Variants in TMIGD3 observed in about 807,000 individuals in gnomAD.
The protein encoded by TMIGD3 is AD026 protein (AD026).
A neutral mutation model predicts 28.1 loss-of-function variants in TMIGD3; 21 were observed. The ratio of observed to expected loss-of-function variants is 0.75; its 90% CI spans 0.53 to 1.08. The LOEUF (loss-of-function observed/expected upper bound fraction) is 1.08, where lower values mean the gene tolerates loss of function less well. TMIGD3 is among the 50% of genes least tolerant of loss of function. The pLI is 0.00. For synonymous variants in TMIGD3, 151 were observed against 162.1 expected (o/e 0.93, Z 0.52); for missense variants, 416 against 435.6 (o/e 0.96, Z 0.40).
At chr1:111,524,487 A>G (rs1656196102) in intron 1 of TMIGD3, among the ~76,000 whole-genome samples, 1 of 152,140 alleles carries the variant, frequency 6.6e-6, no homozygotes. Context: ...ACTTTCTGGA[A>G]CACTTGGTAA....
In TMIGD3 at chr1:111,512,393, T is replaced by C. The variant is rs75414029; in HGVS notation, c.108-21631A>G. 5.2e-3 allele frequency among the ~76,000 whole-genome samples: 798 copies of C among 152,372 alleles called. 5 individuals are homozygous for C. Among genetic ancestry groups the C allele is most frequent in the African/African-American group, 0.018 (744 of 41,592 alleles). On this transcript the variant is annotated intron_variant, in intron 1 of 5. Transcript: ENST00000369717. ...ACCCCAACGTGCTCCAGAGGAGAAA[T>C]CACTGTCAGGCTCCAGCCATGTGTT...
Position 111,556,879 on chromosome 1 carries a change from A to T in TMIGD3, c.107+6967T>A, listed in dbSNP as rs183058254. ...GTCACTGAACTGTACACTTAGAAATAGTTAAAATGGTACATTTTACATTAT... is the reference window on the plus strand; with the variant it reads ...GTCACTGAACTGTACACTTAGAAATTGTTAAAATGGTACATTTTACATTAT... On this transcript the variant is annotated intron_variant, in intron 1 of 5. Coordinates refer to the TMIGD3 transcript ENST00000369717. Among the ~76,000 whole-genome samples the T allele has an allele frequency of 8.6e-5, 13 of 150,638 alleles. No individual in the cohort carries two copies. In the East Asian group the frequency reaches 2.3e-3, roughly 27 times the overall value.
chr1:111,531,342 T>G (rs1656454014), intron 1 of TMIGD3, among the ~76,000 whole-genome samples: 2 of 152,222 alleles, frequency 1.3e-5, no homozygotes, highest in Admixed American at 1.3e-4. Context: ...TGGTATCATT[T>G]GTATTGCTAT....
chr1:111,517,116 T>TAC (rs144813891), intron 1 of TMIGD3, among the ~76,000 whole-genome samples: 3 of 152,136 alleles, frequency 2.0e-5, no homozygotes, highest in African/African-American at 4.8e-5. Context: ...TGCGCATGTG[T>TAC]ACACACACAC....
At chr1:111,562,686 G>A (rs1050032461) in intron 1 of TMIGD3, among the ~76,000 whole-genome samples, 3 of 152,300 alleles carry the variant, frequency 2.0e-5, no homozygotes. Context: ...GTAATCCATT[G>A]TGAATCCAAG....
chr1:111,537,930 C>T (rs1656693968), intron 1 of TMIGD3, among the ~76,000 whole-genome samples: 1 of 152,106 alleles, frequency 6.6e-6, no homozygotes. Context: ...GGGCATTTTC[C>T]TCCCTGTACC....
chr1:111,540,598 C>T (rs1246040956), intron 1 of TMIGD3, among the ~76,000 whole-genome samples: 1 of 152,222 alleles, frequency 6.6e-6, no homozygotes. Context: ...TCTCCATTTA[C>T]ATGCATCTTC....
At chr1:111,489,506 GC>G in intron 2 of TMIGD3, 1 of 919,036 alleles carries the variant, frequency 1.1e-6, no homozygotes, top group Non-Finnish European at 1.3e-6. Flanking sequence ...CATTGTTTTA[GC>G]CTCCCAGACT....
chr1:111,487,329 G>C (rs1654428642), intron 3 of TMIGD3, among the ~76,000 whole-genome samples: 1 of 152,208 alleles, frequency 6.6e-6, no homozygotes, highest in Admixed American at 6.5e-5. Flanking sequence ...GATGCTTGCT[G>C]AATCAATCAC....
At chr1:111,540,466 C>G (rs538211179) in intron 1 of TMIGD3, among the ~76,000 whole-genome samples, 50 of 152,338 alleles carry the variant, frequency 3.3e-4, no homozygotes, top group Non-Finnish European at 5.0e-4. Flanking sequence ...ACAAAGTGTG[C>G]CAGCTTCTCC....
intron 1 of TMIGD3, among the ~76,000 whole-genome samples, chr1:111,527,985 GA>G (rs1656328381): frequency 1.3e-5 from 2 of 151,704 alleles, no homozygotes; most frequent in Admixed American, 6.6e-5. Flanking sequence ...TTGTTTTTTT[GA>G]AAAGTAGTTT....
intron 1 of TMIGD3, among the ~76,000 whole-genome samples, chr1:111,502,168 TA>T (rs1472530385): frequency 4.4e-5 from 3 of 67,768 alleles, no homozygotes; most frequent in African/African-American, 6.4e-5. Flanking sequence ...ATATATTTAT[TA>T]TAATAAATAT....
intron 1 of TMIGD3, among the ~76,000 whole-genome samples, chr1:111,515,885 A>G (rs961891885): frequency 2.0e-5 from 3 of 152,214 alleles, no homozygotes; most frequent in African/African-American, 7.2e-5. Flanking sequence ...TGTTCCCCGC[A>G]GCTCGCAGAG....
At position 111,503,520 on chromosome 1, in the gene TMIGD3, C is replaced by T; in HGVS notation, c.-166G>A. 7.0e-7 allele frequency: 1 copy of T among 1,429,194 alleles called. No homozygotes were observed. Among genetic ancestry groups the T allele is most frequent in the Non-Finnish European group, 9.1e-7 (1 of 1,094,230 alleles). The allele number at this position is 1,429,194 out of a possible 1,614,324, so 88.5% of individuals were successfully genotyped here. A position where few individuals can be genotyped will look rare whatever the true frequency, so the allele number is the denominator to read the frequency against. On this transcript the variant is annotated 5_prime_UTR_variant, in exon 1 of 6. Transcript: ENST00000369716. ...CTACCCTTTTCTGGTGGGGTGATCT[C>T]TTGGAAACCCTTCTCCTTAGAAAGG...
At chr1:111,505,604 C>T (rs1033340343), upstream of TMIGD3, among the ~76,000 whole-genome samples, 3 of 152,208 alleles carry the variant, frequency 2.0e-5, no homozygotes, top group African/African-American at 7.2e-5. Context: ...AACCAAAAGG[C>T]AATCTGGGAA....
intron 1 of TMIGD3, among the ~76,000 whole-genome samples, chr1:111,498,305 A>G (rs1654985613): frequency 1.3e-5 from 2 of 152,346 alleles, no homozygotes; most frequent in Admixed American, 1.3e-4. Context: ...TATTTTCTTG[A>G]AAGTGAGAGT....
At chr1:111,486,421 G>C (rs1407879762) in intron 4 of TMIGD3, among the ~76,000 whole-genome samples, 165 bp downstream of exon 4, 1 of 146,650 alleles carries the variant, frequency 6.8e-6, no homozygotes, top group Non-Finnish European at 1.5e-5. Flanking sequence ...TTTTTTTTGA[G>C]GAAACCAAAT....
At chr1:111,500,686 A>C (rs139358686) in intron 1 of TMIGD3, 1 of 911,274 alleles carries the variant, frequency 1.1e-6, no homozygotes, top group Non-Finnish European at 1.7e-6. Context: ...ATCTTCTGCT[A>C]AGAGAGGGCA....
In TMIGD3 at chr1:111,488,946, T is replaced by C. The variant is rs1187757069; in HGVS notation, c.536A>G (p.His179Arg). Reference protein sequence around the residue: ...TASAICNYNAHYKNHPKYWCR... With the variant: ...TASAICNYNARYKNHPKYWCR... ...CCAGTATTTGGGGTGATTCTTGTAG[T>C]GGGCATTGTAGTTGCAGATGGCAGA... is the stretch of plus-strand genomic sequence containing the variant. Residue 179 changes from histidine (H) to arginine (R), a missense_variant, in exon 3 of 6, where the codon CAC (histidine) becomes CGC (arginine). His to Arg is a conservative substitution (Grantham distance 29). Coordinates refer to ENST00000369716, the MANE Select transcript of TMIGD3 (RefSeq NM_020683.7). The C allele has an allele frequency of 1.9e-6, 3 of 1,614,074 alleles. No homozygotes were observed. Among genetic ancestry groups the C allele is most frequent in the African/African-American group, 1.3e-5 (1 of 74,918 alleles).
Sources: allele counts gnomAD v4.1 joint callset (sites outside exome capture counted in the v4.1 genomes callset), GRCh38; gene constraint gnomAD v4.1.1; transcripts MANE v1.5; gene names NCBI Gene and HGNC (gene_info 2026-07-23, HGNC 2026-07-21).